GRM1: variants seen among roughly 807,000 people sequenced by gnomAD.
GRM1 encodes glutamate metabotropic receptor 1, also known as metabotropic glutamate receptor 1.
A neutral mutation model predicts 90.9 loss-of-function variants in GRM1; 33 were observed. The ratio of observed to expected loss-of-function variants is 0.36; its 90% CI spans 0.28 to 0.49. The LOEUF is 0.49. Among genes scored for constraint, GRM1 ranks in the 20% least tolerant of loss-of-function variants. GRM1 has a pLI of 0.99. For synonymous variants in GRM1, 700 were observed against 613.2 expected, an observed-to-expected ratio of 1.14 and a Z score of -2.09; for missense variants, 1,190 against 1,534.3, an observed-to-expected ratio of 0.78 and a Z score of 3.75.
intron 1 of GRM1, among the ~76,000 whole-genome samples, chr6:146,154,842 T>C (rs1248603431): frequency 1.3e-5 from 2 of 152,228 alleles, no homozygotes; most frequent in Admixed American, 6.5e-5. Context: ...TATGTACTTA[T>C]ACCTTGCCAA....
intron 2 of GRM1, among the ~76,000 whole-genome samples, chr6:146,246,954 T>C (rs1781080083): frequency 6.6e-6 from 1 of 152,180 alleles, no homozygotes; most frequent in Non-Finnish European, 1.5e-5. Flanking sequence ...CTATTTGAGC[T>C]AACTGAGGTG....
chr6:146,132,688 C>G (rs1438984500), intron 1 of GRM1, among the ~76,000 whole-genome samples: 1 of 152,204 alleles, frequency 6.6e-6, no homozygotes, highest in African/African-American at 2.4e-5. Context: ...CCTAATCCTT[C>G]AGAATCAAGA....
intron 3 of GRM1, among the ~76,000 whole-genome samples, chr6:146,307,382 A>T (rs1783614155): frequency 6.6e-6 from 1 of 152,180 alleles, no homozygotes; most frequent in South Asian, 2.1e-4. Flanking sequence ...GAATTAATTC[A>T]TAAAACTTAT....
intron 1 of GRM1, among the ~76,000 whole-genome samples, chr6:146,138,739 A>G (rs1297518453): frequency 6.6e-6 from 1 of 151,684 alleles, no homozygotes; most frequent in African/African-American, 2.4e-5. Flanking sequence ...TTTTTTTAGT[A>G]TGTCTAAAGG....
chr6:146,428,692 T>C lies in GRM1; in HGVS notation c.2661-5180T>C, dbSNP rs141697244. 1.6e-3 allele frequency among the ~76,000 whole-genome samples: 246 copies of C among 152,338 alleles called. 1 individual carries two copies. The highest frequency in any genetic ancestry group is 5.5e-3 in the African/African-American group (228 of 41,572). ...TGAAGAAATATAATCATATTTGTTA[T>C]ACCTCTGCTAAAGCAACGCCATGGT... On this transcript the variant is annotated intron_variant, in intron 7 of 7. Transcript: ENST00000282753.
chr6:146,328,024 T>C (rs1465001358), intron 3 of GRM1, among the ~76,000 whole-genome samples: 1 of 152,134 alleles, frequency 6.6e-6, no homozygotes, highest in Non-Finnish European at 1.5e-5. Context: ...CTCTGTTTTT[T>C]CCTACATCAC....
intron 7 of GRM1, among the ~76,000 whole-genome samples, chr6:146,417,981 G>A (rs79073668): frequency 0.016 from 2,393 of 151,900 alleles, 79 homozygotes; most frequent in African/African-American, 0.055. Context: ...AATTTTGAGC[G>A]GCTGCTTTCT....
chr6:146,120,410 C>G (rs1775934508), intron 1 of GRM1, among the ~76,000 whole-genome samples: 1 of 152,068 alleles, frequency 6.6e-6, no homozygotes, highest in Admixed American at 6.5e-5. Context: ...TCCTCTTTTC[C>G]TAATTGAATA....
At chr6:146,211,476 T>C (rs1779685763) in intron 2 of GRM1, among the ~76,000 whole-genome samples, 1 of 152,212 alleles carries the variant, frequency 6.6e-6, no homozygotes. Context: ...GTTTGATATT[T>C]AATCAGGTTA....
At chr6:146,427,239 T>C (rs867104838) in intron 7 of GRM1, among the ~76,000 whole-genome samples, 10 of 152,270 alleles carry the variant, frequency 6.6e-5, no homozygotes, top group Non-Finnish European at 1.2e-4. Context: ...ACATTATGAG[T>C]GATTTTTATC....
At chr6:146,154,180 T>G (rs1451322555) in intron 1 of GRM1, among the ~76,000 whole-genome samples, 1 of 152,214 alleles carries the variant, frequency 6.6e-6, no homozygotes, top group Non-Finnish European at 1.5e-5. Context: ...AGCAAAATCT[T>G]TTCTTTATTG....
chr6:146,216,805 C>A (rs1181642603), intron 2 of GRM1, among the ~76,000 whole-genome samples: 1 of 152,122 alleles, frequency 6.6e-6, no homozygotes, highest in Non-Finnish European at 1.5e-5. Flanking sequence ...GCAGTGAAAT[C>A]TTTTAAGAAA....
chr6:146,304,243 G>C (rs1421305508), intron 2 of GRM1, among the ~76,000 whole-genome samples: 1 of 152,066 alleles, frequency 6.6e-6, no homozygotes, highest in Non-Finnish European at 1.5e-5. Context: ...AGCCTCTGAG[G>C]TACCTAGATT....
chr6:146,178,513 G>T (rs1184413034), intron 2 of GRM1, among the ~76,000 whole-genome samples: 3 of 152,132 alleles, frequency 2.0e-5, no homozygotes, highest in Non-Finnish European at 4.4e-5. Context: ...TATACACATA[G>T]CATGAAGGTA....
At chr6:146,144,919 AAG>A (rs1777030390) in intron 1 of GRM1, among the ~76,000 whole-genome samples, 1 of 152,216 alleles carries the variant, frequency 6.6e-6, no homozygotes, top group African/African-American at 2.4e-5. Context: ...CTGAAGAAAA[AAG>A]TATAGGAAAC....
chr6:146,049,655 C>A (rs937693659), intron 1 of GRM1, among the ~76,000 whole-genome samples: 1 of 42,558 alleles, frequency 2.3e-5, no homozygotes, highest in Admixed American at 2.0e-4. Context: ...CCTTTCATAT[C>A]TATCTATCTA....
At chr6:146,191,764 C>G (rs1778941476) in intron 2 of GRM1, among the ~76,000 whole-genome samples, 1 of 151,940 alleles carries the variant, frequency 6.6e-6, no homozygotes, top group Non-Finnish European at 1.5e-5. Flanking sequence ...TTGGTTGGAT[C>G]TTTTCTGTTT....
intron 2 of GRM1, among the ~76,000 whole-genome samples, chr6:146,294,738 A>G (rs1783116667): frequency 1.3e-5 from 2 of 152,144 alleles, no homozygotes. Flanking sequence ...TATGTTACTT[A>G]CTGTACAAAT....
intron 3 of GRM1, among the ~76,000 whole-genome samples, chr6:146,348,378 A>C (rs1392261485): frequency 6.6e-6 from 1 of 152,258 alleles, no homozygotes. Context: ...TATAAAAGCC[A>C]CATGACTTTC....
Sources: allele counts gnomAD v4.1 joint callset (sites outside exome capture counted in the v4.1 genomes callset), GRCh38; gene constraint gnomAD v4.1.1; transcripts MANE v1.5; gene names NCBI Gene and HGNC (gene_info 2026-07-23, HGNC 2026-07-21).